EOGT: variants seen among roughly 807,000 people sequenced by gnomAD.
The protein encoded by EOGT is EGF domain-specific O-linked N-acetylglucosamine transferase.
Under a neutral mutation model 70.5 loss-of-function variants are expected in EOGT, and 55 were observed. The ratio of observed to expected loss-of-function variants is 0.78; its 90% confidence interval spans 0.63 to 0.98. EOGT has a LOEUF of 0.98. Among genes scored for constraint, EOGT ranks in the 50% least tolerant of loss-of-function variants. The probability of loss-of-function intolerance (pLI) is 0.00; values close to 1 mark genes in which losing one functional copy is unlikely to be tolerated. For missense variants in EOGT, 703 were observed against 641.9 expected (o/e 1.10, Z -1.03); for synonymous variants, 246 against 217.1 (o/e 1.13, Z -1.17).
intron 15 of EOGT, among the ~76,000 whole-genome samples, chr3:68,981,644 T>C (rs771117537): frequency 1.3e-5 from 2 of 152,228 alleles, no homozygotes; most frequent in Non-Finnish European, 2.9e-5. Context: ...AATAGGCATA[T>C]TCTGTCTTTC....
intron 10 of EOGT, among the ~76,000 whole-genome samples, chr3:68,996,499 G>A (rs902249390): frequency 1.3e-5 from 2 of 152,188 alleles, no homozygotes; most frequent in Admixed American, 1.3e-4. Flanking sequence ...GCCATGTTTC[G>A]GATTCCCTGA....
At chr3:68,989,829 C>T (rs1186450055) in intron 10 of EOGT, among the ~76,000 whole-genome samples, 2 of 150,058 alleles carry the variant, frequency 1.3e-5, no homozygotes, top group African/African-American at 2.5e-5. Flanking sequence ...GTAATTCCAG[C>T]GCTTTGGGAG....
chr3:68,987,366 G>A (rs1206911781), intron 14 of EOGT, 79 bp downstream of exon 14: 11 of 1,031,132 alleles, frequency 1.1e-5, no homozygotes, highest in Admixed American at 2.4e-5. Context: ...AGCTTTTAAC[G>A]TAATGTGAAA....
At chr3:68,989,127 A>G (rs2090903133) in intron 10 of EOGT, 110 bp from the exon 11 acceptor site, 1 of 568,834 alleles carries the variant, frequency 1.8e-6, no homozygotes, top group African/African-American at 1.9e-5. Flanking sequence ...TAACAATCCT[A>G]CGCAAGTTCA....
Position 68,975,848 on chromosome 3 carries a change from G to A in EOGT, c.*1770C>T, listed in dbSNP as rs562161732. On this transcript the variant is annotated 3_prime_UTR_variant, in exon 18 of 18. Transcript: ENST00000383701. The stretch of plus-strand genomic sequence containing the variant: ...GGGGTCAGCAAACGTCTTCTGTAAA[G>A]GTCCAGATATTTTGTTTTGTGTGTC... The A allele has an allele frequency of 6.6e-6, 1 of 152,186 alleles. No homozygotes were observed. The highest frequency in any genetic ancestry group is 1.9e-4 in the East Asian group (1 of 5,178). The allele number at this position is 152,186 out of a possible 1,614,324, so 9.4% of individuals were successfully genotyped here.
chr3:68,987,866 T>C (rs1024945279), intron 13 of EOGT: 5 of 348,952 alleles, frequency 1.4e-5, no homozygotes, highest in African/African-American at 8.5e-5. Context: ...CCTTAGCTTC[T>C]CTTTTATAGG....
intron 6 of EOGT, among the ~76,000 whole-genome samples, chr3:69,006,749 C>T (rs2091447475): frequency 6.6e-6 from 1 of 152,190 alleles, no homozygotes; most frequent in South Asian, 2.1e-4. Flanking sequence ...CTACCCCAAA[C>T]CACCTCTTGA....
intron 14 of EOGT, among the ~76,000 whole-genome samples, chr3:68,985,409 A>C (rs917400429): frequency 1.3e-5 from 2 of 152,138 alleles, no homozygotes; most frequent in African/African-American, 2.4e-5. Flanking sequence ...AGGCAGCCAA[A>C]TTAGTCTGTG....
chr3:68,988,515 A>T lies in EOGT; in HGVS notation c.987T>A (p.Asn329Lys). 6 of 1,532,864 alleles carry T rather than the reference A, an allele frequency of 3.9e-6. No homozygotes were observed. Among genetic ancestry groups the T allele is most frequent in the Non-Finnish European group, 5.2e-6 (6 of 1,144,422 alleles). 95.0% of individuals were successfully genotyped at this position (1,532,864 alleles called of 1,614,324 possible). ...LPRMRYGLFYNTPLISGCQNT... is the reference protein window; with the variant it reads ...LPRMRYGLFYKTPLISGCQNT... ...TAGACAATGTGCTTACCAGAGGAGT[A>T]TTATAGAACAGCCCATACCTCATGC... Residue 329 changes from asparagine to lysine, a missense_variant, in exon 12 of 18, where the codon AAT becomes AAA. Transcript: ENST00000383701.
At chr3:69,004,317 T>G in intron 8 of EOGT, 61 bp downstream of exon 8, 1 of 1,220,178 alleles carries the variant, frequency 8.2e-7, no homozygotes, top group East Asian at 2.3e-5. Context: ...TCCATTAATA[T>G]CTGCAAGTGC....
In EOGT at chr3:69,001,722, T is replaced by C. The variant is rs1485119079; in HGVS notation, c.621-8A>G. 3 of 1,578,694 alleles carry C rather than the reference T, an allele frequency of 1.9e-6. No homozygotes were observed. The East Asian group carries it at 6.7e-5, about 35-fold the overall frequency. ...CTTTGTAGCTCAGCAAACCTGAAAT[T>C]ATGAATTGGGACATGACTTCAAACT... is the stretch of plus-strand genomic sequence containing the variant. On this transcript the variant is annotated splice_region_variant and splice_polypyrimidine_tract_variant and intron_variant, in intron 8 of 17. Coordinates refer to ENST00000383701, the MANE Select transcript of EOGT (RefSeq NM_001278689.2).
chr3:69,001,672 A>T lies in EOGT; in HGVS notation c.663T>A (p.Pro221=), dbSNP rs779628950. 7 of 1,612,128 alleles carry T rather than the reference A, an allele frequency of 4.3e-6. 1 individual carries two copies. In the South Asian group the frequency reaches 7.7e-5, roughly 18 times the overall value. Residue 221 remains proline, a synonymous_variant, in exon 9 of 18, where the codon CCT becomes CCA. Coordinates refer to ENST00000383701, the MANE Select transcript of EOGT (RefSeq NM_001278689.2). The stretch of plus-strand genomic sequence containing the variant: ...CAATGTCACATTTAGCATCTTCTAT[A>T]GGTCTGAAGTTGAGCTGAGTATAGC... ...LQSYTQLNFR[P]IEDAKCDIVI... is the part of the protein sequence containing the mutation.
chr3:69,005,297 C>T (rs2091412497), intron 6 of EOGT, 63 bp from the exon 7 acceptor site: 1 of 885,984 alleles, frequency 1.1e-6, no homozygotes, highest in South Asian at 1.5e-5. Flanking sequence ...CTCATCCGGA[C>T]TTGCTAGACA....
intron 14 of EOGT, among the ~76,000 whole-genome samples, chr3:68,985,934 G>A (rs1423101531): frequency 6.6e-6 from 1 of 152,172 alleles, no homozygotes; most frequent in Non-Finnish European, 1.5e-5. Flanking sequence ...CTCCAGGAAA[G>A]AACCCACTGC....
At chr3:68,979,366 A>G (rs1400857523) in intron 16 of EOGT, among the ~76,000 whole-genome samples, 2 of 152,178 alleles carry the variant, frequency 1.3e-5, no homozygotes, top group East Asian at 3.8e-4. Context: ...TTGCAAGAAG[A>G]CGCTCAGAGT....
chr3:69,001,852 T>C, intron 8 of EOGT, 138 bp from the exon 9 acceptor site: 1 of 625,644 alleles, frequency 1.6e-6, no homozygotes, highest in Middle Eastern at 4.0e-4. Flanking sequence ...CTGTAACTTC[T>C]AAAACTTACT....
rs751602094 is a variant in EOGT, at chr3:68,977,765, C to A, written c.1438-1G>T. 1.2e-6 allele frequency: 2 copies of A among 1,607,158 alleles called. No individual in the cohort carries two copies. The highest frequency in any genetic ancestry group is 2.2e-5 in the East Asian group (1 of 44,604). On this transcript the variant is annotated splice_acceptor_variant, in intron 17 of 17. Transcript: ENST00000383701. LOFTEE classifies it high-confidence loss of function. ...GCTCCCCCAGGGTTGGATGGTGGCC[C>A]TGTGAAAATAAACCAAAACACGAAT...
In EOGT at chr3:68,990,913, A is replaced by G. The variant is rs978167172; in HGVS notation, c.832-1896T>C. On this transcript the variant is annotated intron_variant, in intron 10 of 17. Transcript: ENST00000383701. ...ATCTGTTAGATGTGAAAAAAAAAAA[A>G]AAAAGCCTTCTTTCCATGTTCCTCC... is the stretch of plus-strand genomic sequence containing the variant. Among the ~76,000 whole-genome samples the G allele has an allele frequency of 8.5e-5, 13 of 152,226 alleles. No individual in the cohort carries two copies. In the South Asian group the frequency reaches 2.5e-3, roughly 29 times the overall value.
At position 69,005,263 on chromosome 3, in the gene EOGT, C is replaced by T. The variant is rs182768474; in HGVS notation, c.421-29G>A. On this transcript the variant is annotated intron_variant, in intron 6 of 17. Transcript: ENST00000383701. ...AAGGTTGAGCAAAAGAAAAGAATGA[C>T]TCTGAGTATTAACACAGCAAAGACT... The T allele has an allele frequency of 1.8e-3, 2,347 of 1,304,264 alleles. 6 individuals carry two copies. The highest frequency in any genetic ancestry group is 3.1e-3 in the Admixed American group (172 of 55,402). 80.8% of individuals were successfully genotyped at this position (1,304,264 alleles called of 1,614,324 possible). A position where few individuals can be genotyped will look rare whatever the true frequency, so the allele number is the denominator to read the frequency against.
Sources: allele counts gnomAD v4.1 joint callset (sites outside exome capture counted in the v4.1 genomes callset), GRCh38; gene constraint gnomAD v4.1.1; transcripts MANE v1.5; gene names NCBI Gene and HGNC (gene_info 2026-07-23, HGNC 2026-07-21).